Variants in AFG2B observed in about 807,000 individuals in gnomAD.
The protein encoded by AFG2B is ATPase family gene 2 protein homolog B.
the AFG2B span, chr15:45,418,603 G>A: frequency 6.2e-7 from 1 of 1,613,564 alleles, no homozygotes; most frequent in Non-Finnish European, 8.5e-7. Context: ...ATGCCAATAG[G>A]GCCTGATGTC....
At chr15:45,407,051 C>G in the AFG2B span, 1 of 1,289,174 alleles carries the variant, frequency 7.8e-7, no homozygotes, top group Non-Finnish European at 1.0e-6. Context: ...CCATAAGCAC[C>G]TCTCACTTAG....
the AFG2B span, among the ~76,000 whole-genome samples, chr15:45,409,284 C>T: frequency 1.3e-5 from 2 of 148,728 alleles, no homozygotes; most frequent in African/African-American, 2.5e-5. Context: ...GGCTGAGGCA[C>T]GAGAATCATT....
At chr15:45,417,243 A>G in the AFG2B span, 1 of 1,609,732 alleles carries the variant, frequency 6.2e-7, no homozygotes, top group Non-Finnish European at 8.5e-7. Flanking sequence ...GATTGACATT[A>G]CTTTGTGTTG....
the AFG2B span, chr15:45,407,241 T>G: frequency 8.4e-7 from 1 of 1,186,824 alleles, no homozygotes; most frequent in Non-Finnish European, 1.1e-6. Context: ...CTCCATCTTT[T>G]ATTCTTTCCC....
chr15:45,420,092 A>G, the AFG2B span, among the ~76,000 whole-genome samples: 1 of 151,000 alleles, frequency 6.6e-6, no homozygotes, highest in African/African-American at 2.4e-5. Context: ...TGAACTTTAT[A>G]TGAATGGAAG....
At chr15:45,406,210 G>C in the AFG2B span, among the ~76,000 whole-genome samples, 2 of 152,190 alleles carry the variant, frequency 1.3e-5, no homozygotes, top group Non-Finnish European at 2.9e-5. Flanking sequence ...ATATTCGTCA[G>C]TTTGGGTTTG....
At chr15:45,405,231 T>C in the AFG2B span, 3 of 1,296,954 alleles carry the variant, frequency 2.3e-6, no homozygotes, top group Admixed American at 7.3e-5. Flanking sequence ...CATTCTGCTG[T>C]CTACCTCCAT....
At chr15:45,418,963 T>G in the AFG2B span, among the ~76,000 whole-genome samples, 1 of 152,124 alleles carries the variant, frequency 6.6e-6, no homozygotes, top group Non-Finnish European at 1.5e-5. Context: ...CAGCCCAGAT[T>G]TGGCACATCA....
At chr15:45,418,642 G>C in the AFG2B span, 2 of 1,612,416 alleles carry the variant, frequency 1.2e-6, no homozygotes, top group Non-Finnish European at 1.7e-6. Context: ...GCAGAAACCT[G>C]TTTTTTTTCT....
chr15:45,405,578 A>G, the AFG2B span: 4 of 1,447,392 alleles, frequency 2.8e-6, no homozygotes, highest in Non-Finnish European at 3.8e-6. Flanking sequence ...GTTAAAAAAA[A>G]GCGGTGAGTA....
chr15:45,405,808 A>C, the AFG2B span, among the ~76,000 whole-genome samples: 1 of 152,108 alleles, frequency 6.6e-6, no homozygotes, highest in South Asian at 2.1e-4. Flanking sequence ...GAGTTTTTTT[A>C]ATTTGAATTT....
the AFG2B span, chr15:45,420,902 G>T: frequency 1.3e-6 from 1 of 742,546 alleles, no homozygotes; most frequent in Non-Finnish European, 2.0e-6. Flanking sequence ...TGAGGCAGGA[G>T]AATTGCTTGA....
chr15:45,412,862 TC>T, the AFG2B span, among the ~76,000 whole-genome samples: 17 of 152,332 alleles, frequency 1.1e-4, no homozygotes, highest in South Asian at 8.3e-4. Flanking sequence ...CGTTACAGTT[TC>T]AGAAATTGAT....
the AFG2B span, chr15:45,403,546 T>A: frequency 6.3e-7 from 1 of 1,590,358 alleles, no homozygotes; most frequent in Non-Finnish European, 8.5e-7. Flanking sequence ...GTTTGCCCAC[T>A]GTCGGTGGAA....
chr15:45,407,588 G>A, the AFG2B span, among the ~76,000 whole-genome samples: 1 of 152,146 alleles, frequency 6.6e-6, no homozygotes, highest in Non-Finnish European at 1.5e-5. Context: ...GAGAAATGAA[G>A]ATAGAAAATT....
chr15:45,412,027 G>A, the AFG2B span, among the ~76,000 whole-genome samples: 1 of 151,830 alleles, frequency 6.6e-6, no homozygotes, highest in African/African-American at 2.4e-5. Context: ...GAACCCGGGA[G>A]GTGGAGGTTG....
chr15:45,412,606 CAT>C, the AFG2B span, among the ~76,000 whole-genome samples: 1 of 152,148 alleles, frequency 6.6e-6, no homozygotes, highest in East Asian at 1.9e-4. Flanking sequence ...ATAATTTTCA[CAT>C]GTCAGAAAAT....
At chr15:45,415,923 G>GT in the AFG2B span, 16 of 783,052 alleles carry the variant, frequency 2.0e-5, no homozygotes, top group Non-Finnish European at 3.0e-5. Context: ...TATAATTTCA[G>GT]TTTGACTTTG....
the AFG2B span, among the ~76,000 whole-genome samples, chr15:45,411,475 G>A: frequency 6.6e-6 from 1 of 152,084 alleles, no homozygotes; most frequent in African/African-American, 2.4e-5. Flanking sequence ...ATACCACCAC[G>A]CCTGGCTAAT....
Sources: gnomAD v4.1 joint callset for allele counts (sites outside exome capture counted in the v4.1 genomes callset) on GRCh38, gnomAD v4.1.1 for gene constraint, MANE v1.5 for transcripts, NCBI Gene and HGNC (gene_info 2026-07-23, HGNC 2026-07-21) for gene names.